Variants in NNT observed in about 807,000 individuals in gnomAD.
NNT encodes the protein nicotinamide nucleotide transhydrogenase.
NNT carries 50 observed loss-of-function variants against 104.8 expected under a neutral mutation model. The observed-to-expected ratio is 0.48, with a 90% CI of 0.38 to 0.60. The LOEUF is 0.60. NNT is among the 20% of genes least tolerant of loss of function. The pLI is 0.00. For missense variants in NNT, 1,131 were observed against 1,330.7 expected, an observed-to-expected ratio of 0.85 and a Z score of 2.33; for synonymous variants, 461 against 490.4, an observed-to-expected ratio of 0.94 and a Z score of 0.79.
At position 43,608,872 on chromosome 5, in the gene NNT, T is replaced by C. The variant is rs186317119; in HGVS notation, c.-53-271T>C. 1.4e-3 allele frequency among the ~76,000 whole-genome samples: 207 copies of C among 152,298 alleles called. 1 individual carries two copies. Among genetic ancestry groups the C allele is most frequent in the African/African-American group, 4.8e-3 (200 of 41,570 alleles). ...CTAGCTACATTAAGGATCAAATAGG[T>C]TATATGACCTAGGCTTGGAATTGAA... On this transcript the variant is annotated intron_variant, in intron 1 of 21. Transcript: ENST00000344920.
intron 17 of NNT, among the ~76,000 whole-genome samples, chr5:43,660,051 G>T (rs1018298991): frequency 9.9e-5 from 15 of 152,210 alleles, no homozygotes; most frequent in African/African-American, 2.9e-4. Context: ...TATTTTAAGA[G>T]ACTTTATCGT....
At chr5:43,690,308 G>A (rs1411878075) in intron 19 of NNT, among the ~76,000 whole-genome samples, 2 of 151,816 alleles carry the variant, frequency 1.3e-5, no homozygotes, top group Non-Finnish European at 2.9e-5. Flanking sequence ...AATTTGTGTT[G>A]TTTGAAGGCA....
chr5:43,681,058 A>T (rs1340063813), intron 19 of NNT, among the ~76,000 whole-genome samples: 1 of 152,004 alleles, frequency 6.6e-6, no homozygotes, highest in Non-Finnish European at 1.5e-5. Context: ...CAGGAGATCA[A>T]GACCATCCTA....
intron 18 of NNT, among the ~76,000 whole-genome samples, chr5:43,676,350 A>C (rs1741414240): frequency 6.6e-6 from 1 of 152,228 alleles, no homozygotes. Flanking sequence ...TTATCAAATG[A>C]GTTTTCTGTA....
At chr5:43,639,506 A>C (rs1449876975) in intron 7 of NNT, among the ~76,000 whole-genome samples, 5 of 152,256 alleles carry the variant, frequency 3.3e-5, no homozygotes, top group East Asian at 3.9e-4. Context: ...GAGTGCTTTA[A>C]ATATCCAACT....
Position 43,628,332 on chromosome 5 carries a change from CTT to C in NNT, c.911_912del (p.Phe304CysfsTer19). The C allele has an allele frequency of 6.2e-7, 1 of 1,613,806 alleles. No homozygotes were observed. The highest frequency in any genetic ancestry group is 8.5e-7 in the Non-Finnish European group (1 of 1,179,898). ...KEFIEAEMKL[F>X]AQQCKEVDIL... is the part of the protein sequence containing the mutation. ...AGTTCATTGAAGCTGAAATGAAACTCTTTGCTCAACAATGCAAGGAGGTAGAC... is the reference window on the plus strand; with the variant it reads ...AGTTCATTGAAGCTGAAATGAAACTCTGCTCAACAATGCAAGGAGGTAGAC... On this transcript the variant is annotated frameshift_variant, in exon 7 of 22. Coordinates refer to ENST00000344920, the MANE Select transcript of NNT (RefSeq NM_182977.3). LOFTEE classifies it high-confidence loss of function.
intron 6 of NNT, among the ~76,000 whole-genome samples, chr5:43,624,909 A>G (rs1168907795): frequency 1.3e-5 from 2 of 152,228 alleles, no homozygotes; most frequent in African/African-American, 4.8e-5. Flanking sequence ...CAAAAAAGAA[A>G]AAAGCAACCA....
At chr5:43,672,201 G>C (rs1217788470) in intron 17 of NNT, among the ~76,000 whole-genome samples, 3 of 152,102 alleles carry the variant, frequency 2.0e-5, no homozygotes, top group African/African-American at 7.2e-5. Flanking sequence ...ATTTTTTCAA[G>C]GTTTTTAGCT....
At chr5:43,654,006 A>G (rs1414366727) in intron 14 of NNT, among the ~76,000 whole-genome samples, 1 of 152,140 alleles carries the variant, frequency 6.6e-6, no homozygotes, top group Non-Finnish European at 1.5e-5. Context: ...TGATTGTTAA[A>G]CACAGCCATT....
intron 5 of NNT, 88 bp from the exon 6 acceptor site, chr5:43,623,943 CT>C: frequency 8.1e-7 from 1 of 1,227,698 alleles, no homozygotes; most frequent in East Asian, 2.3e-5. Flanking sequence ...TGATGCTAAA[CT>C]TATACTAGGC....
At chr5:43,699,388 C>T (rs1418251425) in intron 19 of NNT, among the ~76,000 whole-genome samples, 1 of 127,222 alleles carries the variant, frequency 7.9e-6, no homozygotes, top group East Asian at 2.3e-4. Flanking sequence ...AAGTCTTGCT[C>T]TGTCACCCAG....
intron 2 of NNT, among the ~76,000 whole-genome samples, 188 bp downstream of exon 2, chr5:43,609,534 G>A (rs552624537): frequency 2.0e-5 from 3 of 152,194 alleles, no homozygotes; most frequent in South Asian, 4.2e-4. Flanking sequence ...GATTTCCAGC[G>A]CTAACAGAGA....
intron 17 of NNT, among the ~76,000 whole-genome samples, chr5:43,674,043 CT>C (rs949293814): frequency 2.0e-5 from 3 of 151,264 alleles, no homozygotes; most frequent in African/African-American, 7.3e-5. Context: ...AAAGACATCA[CT>C]TTAATTCTTT....
chr5:43,644,661 G>A lies in NNT; in HGVS notation c.1149G>A (p.Gln383=), dbSNP rs1424155761. Residue 383 remains glutamine (Q), a synonymous_variant, in exon 9 of 22, where the codon CAG becomes CAA. Transcript: ENST00000344920. ...YTDLPSRMAT[Q]ASTLYSNNIT... Reference sequence around the variant, plus strand: ...ACCTGCCCAGCCGAATGGCCACTCAGGCCAGCACCCTATATTCCAACAACA... The same window carrying A: ...ACCTGCCCAGCCGAATGGCCACTCAAGCCAGCACCCTATATTCCAACAACA... The A allele has an allele frequency of 1.2e-6, 2 of 1,614,138 alleles. No individual in the cohort carries two copies. The highest frequency in any genetic ancestry group is 1.7e-6 in the Non-Finnish European group (2 of 1,180,022).
chr5:43,702,768 A>G (rs1341448270), intron 21 of NNT, 32 bp downstream of exon 21: 1 of 1,464,330 alleles, frequency 6.8e-7, no homozygotes, highest in African/African-American at 1.4e-5. Flanking sequence ...TCATTCTGAT[A>G]ATCAAAGGTC....
At chr5:43,669,492 A>G (rs1002374194) in intron 17 of NNT, among the ~76,000 whole-genome samples, 1 of 151,934 alleles carries the variant, frequency 6.6e-6, no homozygotes, top group South Asian at 2.1e-4. Flanking sequence ...TAGCATGAAG[A>G]GTTGTTGAAT....
At position 43,609,141 on chromosome 5, in the gene NNT, A is replaced by G. The variant is rs1391189804; in HGVS notation, c.-53-2A>G. 7 of 1,457,172 alleles carry G rather than the reference A, an allele frequency of 4.8e-6. No homozygotes were observed. The highest frequency in any genetic ancestry group is 6.6e-6 in the Non-Finnish European group (7 of 1,063,382). The allele number at this position is 1,457,172 out of a possible 1,614,324, so 90.3% of individuals were successfully genotyped here. On this transcript the variant is annotated splice_acceptor_variant, in intron 1 of 21. Coordinates refer to ENST00000344920, the MANE Select transcript of NNT (RefSeq NM_182977.3). LOFTEE classifies it low-confidence loss of function (5UTR_SPLICE). ...TATACATCCTATTTTCTTTTTTCTT[A>G]GTGATTTGCCTTCAAGGAAACTGGG...
chr5:43,679,504 C>G (rs982581154), intron 19 of NNT, among the ~76,000 whole-genome samples: 1 of 152,018 alleles, frequency 6.6e-6, no homozygotes, highest in Non-Finnish European at 1.5e-5. Context: ...TGAAGAACAT[C>G]GTGACTGTAG....
At chr5:43,618,891 GT>G in intron 4 of NNT, 140 bp from the exon 5 acceptor site, 1 of 406,670 alleles carries the variant, frequency 2.5e-6, no homozygotes, top group Non-Finnish European at 4.1e-6. Context: ...ACTTAGAACT[GT>G]TTTTGACACA....
Sources: allele counts gnomAD v4.1 joint callset (sites outside exome capture counted in the v4.1 genomes callset), GRCh38; gene constraint gnomAD v4.1.1; transcripts MANE v1.5; gene names NCBI Gene and HGNC (gene_info 2026-07-23, HGNC 2026-07-21).